Variants in LSAMP observed in about 807,000 individuals in gnomAD.
The protein encoded by LSAMP is limbic system-associated membrane protein.
A neutral mutation model predicts 38.6 loss-of-function variants in LSAMP; 7 were observed. That is an observed-to-expected ratio of 0.18 (90% CI 0.10 to 0.34). LSAMP has a LOEUF of 0.34. Among genes scored for constraint, LSAMP ranks in the 10% least tolerant of loss-of-function variants. The pLI, the probability that LSAMP is intolerant of heterozygous loss-of-function variation, is 1.00. For missense variants in LSAMP, 313 were observed against 420.0 expected (o/e 0.75, Z 2.23); for synonymous variants, 154 against 166.8 (o/e 0.92, Z 0.59).
At chr3:116,398,491 C>G (rs2048798104) in intron 1 of LSAMP, among the ~76,000 whole-genome samples, 1 of 152,088 alleles carries the variant, frequency 6.6e-6, no homozygotes, top group South Asian at 2.1e-4. Flanking sequence ...TGACAAAGCT[C>G]TATGAAGGAT....
At chr3:115,964,259 G>A (rs1325028682) in intron 3 of LSAMP, among the ~76,000 whole-genome samples, 1 of 152,092 alleles carries the variant, frequency 6.6e-6, no homozygotes, top group Non-Finnish European at 1.5e-5. Context: ...TAGGATATGT[G>A]TCTTACTCAT....
At position 115,862,269 on chromosome 3, in the gene LSAMP, T is replaced by C. The variant is rs532692333; in HGVS notation, c.515-9652A>G. Among the ~76,000 whole-genome samples the C allele has an allele frequency of 8.1e-4, 124 of 152,292 alleles. 1 individual carries two copies. Among genetic ancestry groups the C allele is most frequent in the Non-Finnish European group, 1.4e-3 (97 of 68,010 alleles). ...AGATGAGAGCAGCAGTTGCTGTTTT[T>C]AAGAGTCACATAAATCAATTGGCAT... On this transcript the variant is annotated intron_variant, in intron 3 of 6. Coordinates refer to ENST00000490035, the MANE Select transcript of LSAMP (RefSeq NM_002338.5).
chr3:116,308,132 C>A (rs182726884), intron 1 of LSAMP, among the ~76,000 whole-genome samples: 1 of 152,030 alleles, frequency 6.6e-6, no homozygotes, highest in East Asian at 1.9e-4. Context: ...TTTCCCCCTA[C>A]CATCTTTTAA....
In LSAMP at chr3:116,272,562, C is replaced by CTAT. The variant is rs563845817; in HGVS notation, c.155+172312_155+172314dup. ...GAAGAATTAATCTAATTCGTCTTGACTATTTTTGAAGCAAAGGCCTTGAAC... is the reference window on the plus strand; with the variant it reads ...GAAGAATTAATCTAATTCGTCTTGACTATTATTTTTGAAGCAAAGGCCTTGAAC... On this transcript the variant is annotated intron_variant, in intron 1 of 6. Transcript: ENST00000490035. Among the ~76,000 whole-genome samples the CTAT allele has an allele frequency of 4.6e-5, 7 of 152,258 alleles. No homozygotes were observed. In the South Asian group the frequency reaches 1.2e-3, roughly 27 times the overall value.
intron 1 of LSAMP, among the ~76,000 whole-genome samples, chr3:116,417,403 AGAGT>A (rs947833126): frequency 1.3e-5 from 2 of 152,240 alleles, no homozygotes; most frequent in African/African-American, 4.8e-5. Context: ...TGGCTAAACC[AGAGT>A]GAGAGAAGAG....
At chr3:116,316,394 G>A (rs2047629505) in intron 1 of LSAMP, among the ~76,000 whole-genome samples, 1 of 152,142 alleles carries the variant, frequency 6.6e-6, no homozygotes, top group South Asian at 2.1e-4. Context: ...TCTGACAAAT[G>A]GTAGGTGATT....
rs1447665950 is a variant in LSAMP, at chr3:116,316,794, A to AG, written c.155+128082_155+128083insC. On this transcript the variant is annotated intron_variant, in intron 1 of 6. Transcript: ENST00000490035. ...TCAAAAAAAGAAAAAAAAAAAAAAAAAGAGAAAGAAAGAAAGGTAAGGAAA... is the reference window on the plus strand; with the variant it reads ...TCAAAAAAAGAAAAAAAAAAAAAAAAGAGAGAAAGAAAGAAAGGTAAGGAAA... 5.6e-4 allele frequency among the ~76,000 whole-genome samples: 85 copies of AG among 151,418 alleles called. No homozygotes were observed. The East Asian group carries it at 7.8e-3, about 14-fold the overall frequency.
rs114045872 is a variant in LSAMP, at chr3:116,152,576, G to A, written c.156-66020C>T. 5.1e-3 allele frequency among the ~76,000 whole-genome samples: 777 copies of A among 152,192 alleles called. 3 individuals carry two copies. Among genetic ancestry groups the A allele is most frequent in the Middle Eastern group, 0.044 (13 of 294 alleles). On this transcript the variant is annotated intron_variant, in intron 1 of 6. Coordinates refer to ENST00000490035, the MANE Select transcript of LSAMP (RefSeq NM_002338.5). ...GTTCTCTCCACTTAGGACATTTATTGTAACAATTAATTGATTAATAAATAT... is the reference window on the plus strand; with the variant it reads ...GTTCTCTCCACTTAGGACATTTATTATAACAATTAATTGATTAATAAATAT...
At chr3:116,367,664 C>G (rs2048372501) in intron 1 of LSAMP, among the ~76,000 whole-genome samples, 1 of 151,842 alleles carries the variant, frequency 6.6e-6, no homozygotes, top group African/African-American at 2.4e-5. Flanking sequence ...TCTGCCACCA[C>G]ACCCAACTAG....
chr3:116,076,977 ATTTC>A (rs1456893168), intron 2 of LSAMP, among the ~76,000 whole-genome samples: 6 of 151,906 alleles, frequency 3.9e-5, no homozygotes, highest in African/African-American at 1.4e-4. Context: ...GATTTAATAT[ATTTC>A]TTCAGATAAA....
intron 1 of LSAMP, among the ~76,000 whole-genome samples, chr3:116,406,724 C>T (rs754961387): frequency 4.6e-5 from 7 of 151,944 alleles, no homozygotes; most frequent in Non-Finnish European, 8.8e-5. Flanking sequence ...TCCATGCACA[C>T]AGCACCCCCA....
chr3:116,089,282 T>C (rs1270017480), intron 1 of LSAMP, among the ~76,000 whole-genome samples: 1 of 152,246 alleles, frequency 6.6e-6, no homozygotes, highest in African/African-American at 2.4e-5. Flanking sequence ...CTGGGTTTTA[T>C]CCGTATTTAT....
chr3:116,391,598 A>C, intron 1 of LSAMP, among the ~76,000 whole-genome samples: 1 of 151,880 alleles, frequency 6.6e-6, no homozygotes, highest in Non-Finnish European at 1.5e-5. Context: ...GGGGGTGGCA[A>C]GGAGGGGCCC....
intron 1 of LSAMP, among the ~76,000 whole-genome samples, chr3:116,242,057 A>G (rs2046543613): frequency 6.6e-6 from 1 of 152,244 alleles, no homozygotes; most frequent in Non-Finnish European, 1.5e-5. Context: ...TCTCTCAAGT[A>G]TTCCGACTGC....
At chr3:115,862,931 G>C (rs58689454) in intron 3 of LSAMP, among the ~76,000 whole-genome samples, 29,245 of 152,124 alleles carry the variant, frequency 0.19, 3,676 homozygotes, top group African/African-American at 0.34. Context: ...GAAAAGAAGA[G>C]AGCACTTGCC....
intron 1 of LSAMP, among the ~76,000 whole-genome samples, chr3:116,272,851 T>C (rs1482735694): frequency 1.3e-5 from 2 of 152,174 alleles, no homozygotes; most frequent in Admixed American, 1.3e-4. Flanking sequence ...TTGATTTAAA[T>C]GTCTTGGCAA....
At chr3:116,444,568 T>C (rs1171703419) in intron 1 of LSAMP, among the ~76,000 whole-genome samples, 2 of 152,080 alleles carry the variant, frequency 1.3e-5, no homozygotes, top group African/African-American at 2.4e-5. Flanking sequence ...AAGTCACTAA[T>C]GCCATGGGTG....
chr3:115,843,686 A>ATT (rs72415585), intron 4 of LSAMP, among the ~76,000 whole-genome samples: 270 of 151,386 alleles, frequency 1.8e-3, no homozygotes, highest in Middle Eastern at 6.8e-3. Flanking sequence ...CTTGTTTCTG[A>ATT]TATTTTTTTT....
At chr3:116,382,866 G>C (rs1473118399) in intron 1 of LSAMP, among the ~76,000 whole-genome samples, 2 of 151,996 alleles carry the variant, frequency 1.3e-5, no homozygotes, top group Non-Finnish European at 2.9e-5. Flanking sequence ...ACGATGTTGG[G>C]TTGCATTTAC....
Sources: gnomAD v4.1 joint callset for allele counts (sites outside exome capture counted in the v4.1 genomes callset) on GRCh38, gnomAD v4.1.1 for gene constraint, MANE v1.5 for transcripts, NCBI Gene and HGNC (gene_info 2026-07-23, HGNC 2026-07-21) for gene names.